The following ADCY2 variants were observed in gnomAD, a reference collection of about 807,000 sequenced individuals.
ADCY2 encodes the protein adenylate cyclase type 2.
A neutral mutation model predicts 125.2 loss-of-function variants in ADCY2; 31 were observed. The observed-to-expected ratio is 0.25, with a 90% CI of 0.19 to 0.33. The LOEUF is 0.33. Ranked by LOEUF, ADCY2 falls within the 10% of genes least tolerant of loss-of-function variation. The pLI, the probability that ADCY2 is intolerant of heterozygous loss-of-function variation, is 1.00. For missense variants in ADCY2, 904 were observed against 1,418.2 expected (o/e 0.64, Z 5.82); for synonymous variants, 512 against 548.4 (o/e 0.93, Z 0.93).
At position 7,450,618 on chromosome 5, in the gene ADCY2, C is replaced by T. The variant is rs112559967; in HGVS notation, c.408+35848C>T. ...TGATGAAGGTGGCCACACTAAATGA[C>T]AGATTTTCAAAGTAGACAAAATAAC... is the stretch of plus-strand genomic sequence containing the variant. On this transcript the variant is annotated intron_variant, in intron 2 of 24. Coordinates refer to ENST00000338316, the MANE Select transcript of ADCY2 (RefSeq NM_020546.3). 1.9e-3 allele frequency among the ~76,000 whole-genome samples: 284 copies of T among 152,286 alleles called. 1 individual carries two copies. Among genetic ancestry groups the T allele is most frequent in the African/African-American group, 6.5e-3 (272 of 41,572 alleles).
intron 3 of ADCY2, among the ~76,000 whole-genome samples, chr5:7,589,621 A>G (rs969373130): frequency 6.6e-6 from 1 of 152,072 alleles, no homozygotes; most frequent in Non-Finnish European, 1.5e-5. Flanking sequence ...AGTAAGGAAG[A>G]CATTTCTAAG....
intron 3 of ADCY2, among the ~76,000 whole-genome samples, chr5:7,542,888 T>C (rs1735038215): frequency 6.6e-6 from 1 of 152,186 alleles, no homozygotes; most frequent in South Asian, 2.1e-4. Flanking sequence ...CCTTGTCAAC[T>C]GGACACTCAG....
intron 4 of ADCY2, among the ~76,000 whole-genome samples, chr5:7,684,814 G>A (rs1022106097): frequency 7.0e-5 from 10 of 143,218 alleles, no homozygotes; most frequent in Non-Finnish European, 1.2e-4. Flanking sequence ...AAATCTAAAT[G>A]ATATTATATG....
At chr5:7,515,128 C>T (rs1744208529) in intron 2 of ADCY2, among the ~76,000 whole-genome samples, 1 of 152,166 alleles carries the variant, frequency 6.6e-6, no homozygotes, top group Non-Finnish European at 1.5e-5. Flanking sequence ...TTCGGCTGCA[C>T]AATTATGCCA....
At chr5:7,462,398 G>A (rs1333549305) in intron 2 of ADCY2, among the ~76,000 whole-genome samples, 1 of 152,174 alleles carries the variant, frequency 6.6e-6, no homozygotes, top group East Asian at 1.9e-4. Context: ...CAGTCGCCAA[G>A]TTTTAATTTC....
chr5:7,570,628 A>G (rs1464478799), intron 3 of ADCY2, among the ~76,000 whole-genome samples: 1 of 150,920 alleles, frequency 6.6e-6, no homozygotes, highest in African/African-American at 2.4e-5. Context: ...GACAAAAAAA[A>G]AAAAAAAAAT....
intron 2 of ADCY2, among the ~76,000 whole-genome samples, chr5:7,516,197 A>G (rs1744247996): frequency 6.6e-6 from 1 of 152,214 alleles, no homozygotes; most frequent in South Asian, 2.1e-4. Flanking sequence ...ATTGCCATGG[A>G]ATATTTTGCA....
chr5:7,411,276 C>A (rs748163229), intron 1 of ADCY2, among the ~76,000 whole-genome samples: 1 of 152,124 alleles, frequency 6.6e-6, no homozygotes, highest in Non-Finnish European at 1.5e-5. Context: ...AGCCGTTGGC[C>A]GTCAGAGCCT....
At chr5:7,729,258 A>G (rs73043507) in intron 14 of ADCY2, among the ~76,000 whole-genome samples, 6,746 of 152,242 alleles carry the variant, frequency 0.044, 499 homozygotes, top group African/African-American at 0.15. Context: ...AGTACAGAGT[A>G]TGATATAATA....
Position 7,557,907 on chromosome 5 carries a change from C to T in ADCY2, c.570+37008C>T, listed in dbSNP as rs557078698. Among the ~76,000 whole-genome samples the T allele has an allele frequency of 5.3e-5, 8 of 152,212 alleles. No individual in the cohort carries two copies. The South Asian group carries it at 1.5e-3, about 28-fold the overall frequency. On this transcript the variant is annotated intron_variant, in intron 3 of 24. Transcript: ENST00000338316. Reference sequence around the variant, plus strand: ...ATACCCAGTAATGGGATTGCTAGGTCGAATGGTATGTCTGTATTTAGGTCT... The same window carrying T: ...ATACCCAGTAATGGGATTGCTAGGTTGAATGGTATGTCTGTATTTAGGTCT...
At chr5:7,559,993 T>C (rs1226919350) in intron 3 of ADCY2, among the ~76,000 whole-genome samples, 3 of 152,208 alleles carry the variant, frequency 2.0e-5, no homozygotes, top group Admixed American at 1.3e-4. Flanking sequence ...TAACAACTAA[T>C]AAGTGTCCAT....
chr5:7,606,246 A>T (rs1737370768), intron 3 of ADCY2, among the ~76,000 whole-genome samples: 1 of 152,188 alleles, frequency 6.6e-6, no homozygotes, highest in Non-Finnish European at 1.5e-5. Flanking sequence ...TTTTACTTCG[A>T]TAAAAATGTA....
intron 5 of ADCY2, chr5:7,692,199 G>A (rs1740726862): frequency 6.6e-6 from 1 of 152,200 alleles, no homozygotes; most frequent in African/African-American, 2.4e-5. Flanking sequence ...AGAGTTTTTA[G>A]AAGAGCCAGG....
At chr5:7,617,006 A>T (rs931736271) in intron 3 of ADCY2, among the ~76,000 whole-genome samples, 3 of 152,182 alleles carry the variant, frequency 2.0e-5, no homozygotes, top group Non-Finnish European at 2.9e-5. Flanking sequence ...TTTAATTGCC[A>T]TTGTAACACT....
chr5:7,796,324 C>T (rs1375307739), intron 20 of ADCY2: 2 of 152,144 alleles, frequency 1.3e-5, no homozygotes, highest in East Asian at 3.9e-4. Flanking sequence ...CTTTTTGAGT[C>T]CAGGGCAGGG....
chr5:7,554,319 A>G (rs1231884142), intron 3 of ADCY2, among the ~76,000 whole-genome samples: 3 of 152,236 alleles, frequency 2.0e-5, no homozygotes, highest in Non-Finnish European at 4.4e-5. Context: ...TTTGTCCCAC[A>G]TGAGAGAACT....
chr5:7,420,002 C>T (rs1740130399), intron 2 of ADCY2, among the ~76,000 whole-genome samples: 1 of 152,206 alleles, frequency 6.6e-6, no homozygotes. Flanking sequence ...AGGGGTCTGC[C>T]TCCTGAGGCT....
At chr5:7,707,921 C>A in intron 9 of ADCY2, 83 bp downstream of exon 9, 1 of 1,425,832 alleles carries the variant, frequency 7.0e-7, no homozygotes, top group Non-Finnish European at 9.5e-7. Context: ...AGTCAATATC[C>A]AATATAATTC....
rs1021980030 is a variant in ADCY2 at position 7,690,835 on chromosome 5, G to A, written c.865G>A (p.Val289Met). The change falls in exon 5 of 25, where the codon GTG becomes ATG. Residue 289 changes from valine to methionine, a missense_variant. Physicochemically the swap from Val to Met is conservative, Grantham distance 21 (BLOSUM62 1). Coordinates refer to ENST00000338316, the MANE Select transcript of ADCY2 (RefSeq NM_020546.3). ...CCTGTATGTGAAGCGGCATACAAAC[G>A]TGAGGTACGACGCTATGCTTGCTCC... is the stretch of plus-strand genomic sequence containing the variant. ...HNLYVKRHTNVSILYADIVGF... is the reference protein window; with the variant it reads ...HNLYVKRHTNMSILYADIVGF... The A allele has an allele frequency of 6.3e-7, 1 of 1,585,242 alleles. No individual in the cohort carries two copies.
Sources: gnomAD v4.1 joint callset for allele counts (sites outside exome capture counted in the v4.1 genomes callset) on GRCh38, gnomAD v4.1.1 for gene constraint, MANE v1.5 for transcripts, NCBI Gene and HGNC (gene_info 2026-07-23, HGNC 2026-07-21) for gene names.